Variants in FLT1 observed in about 807,000 individuals in gnomAD.
The protein encoded by FLT1 is vascular endothelial growth factor receptor 1.
FLT1 carries 49 observed loss-of-function variants against 156.3 expected under a neutral mutation model. That is an observed-to-expected ratio of 0.31 (90% confidence interval 0.25 to 0.40). The LOEUF is 0.40. Ranked by LOEUF, FLT1 falls within the 10% of genes least tolerant of loss-of-function variation. The pLI, the probability that FLT1 is intolerant of heterozygous loss-of-function variation, is 1.00. For synonymous variants in FLT1, 594 were observed against 583.8 expected (o/e 1.02, Z -0.25); for missense variants, 1,322 against 1,637.2 (o/e 0.81, Z 3.32).
rs929152203 is a variant in FLT1 at position 28,398,915 on chromosome 13, T to C, written c.1552-1847A>G. 7 of 682,162 alleles carry C rather than the reference T, an allele frequency of 1.0e-5. No individual in the cohort carries two copies. In the African/African-American group the frequency reaches 1.1e-4, roughly 11 times the overall value. 42.3% of individuals were successfully genotyped at this position (682,162 alleles called of 1,614,324 possible). A position where few individuals can be genotyped will look rare whatever the true frequency, so the allele number is the denominator to read the frequency against. Reference sequence around the variant, plus strand: ...AGCGCATATGAAGGCAAATAATCCATGGGAAAGTGTACGAAAGAGAGCTCA... The same window carrying C: ...AGCGCATATGAAGGCAAATAATCCACGGGAAAGTGTACGAAAGAGAGCTCA... On this transcript the variant is annotated intron_variant, in intron 11 of 29. Coordinates refer to ENST00000282397, the MANE Select transcript of FLT1 (RefSeq NM_002019.4).
At chr13:28,447,222 A>G (rs9508038) in intron 3 of FLT1, among the ~76,000 whole-genome samples, 86,774 of 149,656 alleles carry the variant, frequency 0.58, 25,762 homozygotes, top group Non-Finnish European at 0.65. Flanking sequence ...TCACTTTTCT[A>G]GGCTGAAGTG....
At chr13:28,356,696 C>G (rs969311884) in intron 15 of FLT1, among the ~76,000 whole-genome samples, 5 of 152,204 alleles carry the variant, frequency 3.3e-5, no homozygotes, top group African/African-American at 1.2e-4. Context: ...TAGTTCCTCC[C>G]CGCAAAATAC....
intron 3 of FLT1, among the ~76,000 whole-genome samples, chr13:28,442,497 A>G (rs1049629365): frequency 6.6e-6 from 1 of 152,186 alleles, no homozygotes; most frequent in Non-Finnish European, 1.5e-5. Context: ...GTGGATCCCC[A>G]AAAAACTTAA....
At chr13:28,329,801 C>G in intron 18 of FLT1, 73 bp from the exon 19 acceptor site, 1 of 1,264,586 alleles carries the variant, frequency 7.9e-7, no homozygotes, top group Non-Finnish European at 1.1e-6. Context: ...GCATTCTTGC[C>G]CTCCTTGTTT....
intron 10 of FLT1, among the ~76,000 whole-genome samples, chr13:28,419,504 A>G (rs757708278): frequency 5.3e-5 from 8 of 152,226 alleles, no homozygotes; most frequent in Non-Finnish European, 1.0e-4. Flanking sequence ...CAATCTTCTT[A>G]AGGAATCTTC....
intron 20 of FLT1, among the ~76,000 whole-genome samples, chr13:28,326,520 C>CTTTTT (rs58719749): frequency 5.0e-5 from 4 of 80,028 alleles, no homozygotes; most frequent in South Asian, 5.4e-4. Context: ...CTCTCTCTCT[C>CTTTTT]TTTTTTTTTT....
intron 14 of FLT1, among the ~76,000 whole-genome samples, chr13:28,361,646 G>A (rs1400201279): frequency 1.3e-5 from 2 of 152,120 alleles, no homozygotes; most frequent in African/African-American, 2.4e-5. Flanking sequence ...TTGTAAGAAA[G>A]GAAATAAATA....
At chr13:28,321,710 G>A (rs994890112) in intron 22 of FLT1, 125 bp from the exon 23 acceptor site, 13 of 910,618 alleles carry the variant, frequency 1.4e-5, no homozygotes, top group South Asian at 4.2e-5. Flanking sequence ...AGCACCTCTC[G>A]GTGCACACAG....
chr13:28,467,166 G>A (rs972501303), intron 2 of FLT1, 37 bp from the exon 3 acceptor site: 1 of 1,509,192 alleles, frequency 6.6e-7, no homozygotes, highest in East Asian at 2.3e-5. Context: ...CATATTTATG[G>A]CTGGGCCCTA....
intron 14 of FLT1, among the ~76,000 whole-genome samples, chr13:28,358,997 T>C (rs1162195184): frequency 6.6e-6 from 1 of 152,194 alleles, no homozygotes; most frequent in African/African-American, 2.4e-5. Context: ...TGAGTACTTG[T>C]TCCAGAATAG....
intron 13 of FLT1, chr13:28,387,185 G>A: frequency 9.7e-7 from 1 of 1,035,934 alleles, no homozygotes; most frequent in Non-Finnish European, 1.2e-6. Flanking sequence ...AACGTACATG[G>A]GACTCTCAAT....
chr13:28,479,927 G>C (rs1332540505), intron 1 of FLT1, among the ~76,000 whole-genome samples: 1 of 152,186 alleles, frequency 6.6e-6, no homozygotes, highest in African/African-American at 2.4e-5. Flanking sequence ...AATAACTTAT[G>C]AATCAGCTCA....
rs958884396 is a variant in FLT1 at position 28,302,224 on chromosome 13, A to T, written c.*943T>A. ...CAGAATAATACCAAGAAATTGAGTTAAGTGTCTGGACTATATATTAATACC... is the reference window on the plus strand; with the variant it reads ...CAGAATAATACCAAGAAATTGAGTTTAGTGTCTGGACTATATATTAATACC... On this transcript the variant is annotated 3_prime_UTR_variant, in exon 30 of 30. Transcript: ENST00000282397. 3 of 233,270 alleles carry T rather than the reference A, an allele frequency of 1.3e-5. No homozygotes were observed. The highest frequency in any genetic ancestry group is 2.5e-5 in the Non-Finnish European group (3 of 118,030). The allele number at this position is 233,270 out of a possible 1,614,324, so 14.5% of individuals were successfully genotyped here.
intron 16 of FLT1, among the ~76,000 whole-genome samples, chr13:28,344,040 T>G (rs768088772): frequency 1.3e-5 from 2 of 150,480 alleles, no homozygotes; most frequent in Non-Finnish European, 2.9e-5. Context: ...CTTCTCACAG[T>G]AGCCAAAATA....
chr13:28,475,794 C>T (rs1323364657), intron 1 of FLT1, among the ~76,000 whole-genome samples: 1 of 152,136 alleles, frequency 6.6e-6, no homozygotes, highest in African/African-American at 2.4e-5. Context: ...TAAGTGAATG[C>T]CTAGATTAAA....
At chr13:28,459,268 G>A (rs1879431470) in intron 3 of FLT1, among the ~76,000 whole-genome samples, 1 of 152,180 alleles carries the variant, frequency 6.6e-6, no homozygotes, top group African/African-American at 2.4e-5. Flanking sequence ...CAGTAGGGAT[G>A]TGAGAGGAAA....
In FLT1 at chr13:28,355,215, G is replaced by A. The variant is rs115177097; in HGVS notation, c.2248+2339C>T. ...CAGCCTCACCACATAGTCATTGTGC[G>A]ACTTTGGGCAAGTTGTTTAACTTGA... On this transcript the variant is annotated intron_variant, in intron 15 of 29. Coordinates refer to ENST00000282397, the MANE Select transcript of FLT1 (RefSeq NM_002019.4). Among the ~76,000 whole-genome samples the A allele has an allele frequency of 5.7e-3, 868 of 152,282 alleles. 8 individuals are homozygous for A. The highest frequency in any genetic ancestry group is 0.02 in the African/African-American group (826 of 41,550).
At chr13:28,458,518 G>T (rs1026266849) in intron 3 of FLT1, among the ~76,000 whole-genome samples, 15 of 152,176 alleles carry the variant, frequency 9.9e-5, no homozygotes, top group African/African-American at 3.4e-4. Flanking sequence ...AAGTGCTAAG[G>T]ATGAAATTAT....
chr13:28,316,872 C>G (rs1196438381), intron 25 of FLT1, among the ~76,000 whole-genome samples: 1 of 152,174 alleles, frequency 6.6e-6, no homozygotes, highest in Non-Finnish European at 1.5e-5. Context: ...ATCCGCCCGC[C>G]TCTGCCTCCC....
Sources: allele counts gnomAD v4.1 joint callset (sites outside exome capture counted in the v4.1 genomes callset), GRCh38; gene constraint gnomAD v4.1.1; transcripts MANE v1.5; gene names NCBI Gene and HGNC (gene_info 2026-07-23, HGNC 2026-07-21).